PPME1: variants seen among roughly 807,000 people sequenced by gnomAD.
PPME1 encodes the protein protein phosphatase methylesterase 1, also known as testicular secretory protein Li 39.
In PPME1, 17 loss-of-function variants were observed where a neutral mutation model predicts 56.9. The observed-to-expected ratio is 0.30, with a 90% CI of 0.20 to 0.45. The LOEUF is 0.45. Among genes scored for constraint, PPME1 ranks in the 20% least tolerant of loss-of-function variants. The pLI is 1.00. For synonymous variants in PPME1, 122 were observed against 156.2 expected, an observed-to-expected ratio of 0.78 and a Z score of 1.63; for missense variants, 357 against 483.2, an observed-to-expected ratio of 0.74 and a Z score of 2.45.
intron 1 of PPME1, among the ~76,000 whole-genome samples, chr11:74,185,687 AAG>A (rs1374418284): frequency 2.0e-5 from 3 of 151,550 alleles, no homozygotes; most frequent in Non-Finnish European, 1.5e-5. Context: ...GTTGTAGAAA[AAG>A]AAGTTAATAA....
intron 1 of PPME1, among the ~76,000 whole-genome samples, chr11:74,184,102 A>G (rs1857609345): frequency 6.6e-6 from 1 of 152,144 alleles, no homozygotes; most frequent in Non-Finnish European, 1.5e-5. Flanking sequence ...TTCTTTTAAG[A>G]AATATATCTT....
chr11:74,196,424 G>A (rs1423267248), intron 1 of PPME1, among the ~76,000 whole-genome samples: 1 of 152,144 alleles, frequency 6.6e-6, no homozygotes, highest in East Asian at 1.9e-4. Flanking sequence ...AGTTAATTAT[G>A]TATATGGTGT....
At chr11:74,200,825 G>A (rs1565381261) in intron 1 of PPME1, among the ~76,000 whole-genome samples, 2 of 151,968 alleles carry the variant, frequency 1.3e-5, no homozygotes, top group African/African-American at 4.8e-5. Flanking sequence ...GGTAGTCCCT[G>A]GAACCTGTTT....
At chr11:74,196,306 G>A (rs1339729415) in intron 1 of PPME1, among the ~76,000 whole-genome samples, 1 of 152,162 alleles carries the variant, frequency 6.6e-6, no homozygotes, top group Non-Finnish European at 1.5e-5. Context: ...TTTGGGTGTT[G>A]TATCTAAGAA....
intron 2 of PPME1, among the ~76,000 whole-genome samples, chr11:74,204,107 C>T (rs1858254413): frequency 6.6e-6 from 1 of 150,558 alleles, no homozygotes; most frequent in African/African-American, 2.5e-5. Context: ...AGTTTCATTT[C>T]TAGAATCCAG....
At position 74,181,343 on chromosome 11, in the gene PPME1, C is replaced by T. The variant is rs548923194; in HGVS notation, c.101+9821C>T. Among the ~76,000 whole-genome samples the T allele has an allele frequency of 4.1e-4, 62 of 152,278 alleles. 2 individuals carry two copies. The highest frequency in any genetic ancestry group is 8.8e-5 in the Non-Finnish European group (6 of 68,024). ...GATTACAGGCGTGAGCCACCGCGCC[C>T]GGCCCACTTTTTCAACTCCTATCCA... On this transcript the variant is annotated intron_variant, in intron 1 of 13. Coordinates refer to ENST00000328257, the MANE Select transcript of PPME1 (RefSeq NM_016147.3).
chr11:74,203,781 C>T lies in PPME1; in HGVS notation c.155C>T (p.Ser52Phe). Residue 52 changes from serine to phenylalanine, a missense_variant, in exon 2 of 14, where the codon TCC becomes TTC. By Grantham distance (155) the Ser-to-Phe change is radical. Around this residue, in one of 2 missense-constraint regions of PPME1, gnomAD observed 175 missense variants for 189.4 expected, o/e 0.92. Transcript: ENST00000328257. ...SPVPWSQYFE[S>F]MEDVEVENET... is the part of the protein sequence containing the mutation. ...GTTCCTTGGAGTCAGTATTTTGAGTCCATGGAAGATGTAGAAGTAGAGAAT... is the reference window on the plus strand; with the variant it reads ...GTTCCTTGGAGTCAGTATTTTGAGTTCATGGAAGATGTAGAAGTAGAGAAT... 1 of 1,612,130 alleles carries T rather than the reference C, an allele frequency of 6.2e-7. No individual in the cohort carries two copies. Among genetic ancestry groups the T allele is most frequent in the Non-Finnish European group, 8.5e-7 (1 of 1,179,024 alleles).
intron 3 of PPME1, among the ~76,000 whole-genome samples, chr11:74,216,895 C>T (rs186717809): frequency 2.6e-5 from 4 of 152,216 alleles, no homozygotes; most frequent in South Asian, 2.1e-4. Flanking sequence ...TTTCTAGACA[C>T]GTACAACCTA....
intron 1 of PPME1, among the ~76,000 whole-genome samples, chr11:74,181,030 C>CTTTTTTT (rs1005872237): frequency 2.1e-4 from 20 of 96,152 alleles, no homozygotes; most frequent in East Asian, 2.8e-4. Flanking sequence ...ATTTTCTTCA[C>CTTTTTTT]TTTTTTTTTT....
intron 1 of PPME1, among the ~76,000 whole-genome samples, chr11:74,184,010 T>C (rs1477840469): frequency 6.6e-6 from 1 of 152,174 alleles, no homozygotes; most frequent in African/African-American, 2.4e-5. Context: ...TTAAAAAATA[T>C]GATTATTGAA....
At chr11:74,195,846 G>C (rs1020097471) in intron 1 of PPME1, among the ~76,000 whole-genome samples, 23 of 152,110 alleles carry the variant, frequency 1.5e-4, no homozygotes, top group African/African-American at 5.3e-4. Flanking sequence ...CCTCCTTAGG[G>C]AAAAGCATAT....
At chr11:74,206,451 G>A (rs1002174516) in intron 3 of PPME1, among the ~76,000 whole-genome samples, 2 of 152,130 alleles carry the variant, frequency 1.3e-5, no homozygotes, top group Non-Finnish European at 2.9e-5. Flanking sequence ...CTAGAGAAGA[G>A]CAATCAAGAT....
chr11:74,191,942 C>T (rs563914591), intron 1 of PPME1, among the ~76,000 whole-genome samples: 5 of 152,292 alleles, frequency 3.3e-5, no homozygotes, highest in South Asian at 2.1e-4. Context: ...TTGGAGCCCC[C>T]GTCAAAGACC....
chr11:74,205,622 T>G (rs1162388810), intron 3 of PPME1: 1 of 152,234 alleles, frequency 6.6e-6, no homozygotes, highest in East Asian at 1.9e-4. Flanking sequence ...TTGTCTCTTC[T>G]TTTAGATCAT....
chr11:74,207,605 G>C (rs1858359709), intron 3 of PPME1, among the ~76,000 whole-genome samples: 1 of 152,260 alleles, frequency 6.6e-6, no homozygotes, highest in African/African-American at 2.4e-5. Flanking sequence ...GATTGTAGTT[G>C]CTGCTACAGT....
intron 3 of PPME1, among the ~76,000 whole-genome samples, chr11:74,220,075 T>G (rs1858758011): frequency 6.6e-6 from 1 of 152,088 alleles, no homozygotes; most frequent in Non-Finnish European, 1.5e-5. Context: ...AACAATACCA[T>G]TTTTTACTTA....
Position 74,230,236 on chromosome 11 carries a change from T to C in PPME1, c.399-9T>C, listed in dbSNP as rs1859032328. On this transcript the variant is annotated splice_polypyrimidine_tract_variant and intron_variant, in intron 5 of 13. Transcript: ENST00000328257. This position sits in a 1 kb window ranked among gnomAD's most constrained non-coding sequence, Gnocchi z 4.9. ...AGCATTCTTAGATCTTTTTCTCTTC[T>C]CTTTGCAGAGACGTTGGCAATGTGG... 1.3e-6 allele frequency: 2 copies of C among 1,592,864 alleles called. No homozygotes were observed. The highest frequency in any genetic ancestry group is 1.9e-5 in the Admixed American group (1 of 53,416).
chr11:74,229,620 A>G (rs1859017548), intron 5 of PPME1, among the ~76,000 whole-genome samples: 1 of 152,204 alleles, frequency 6.6e-6, no homozygotes, highest in African/African-American at 2.4e-5. Context: ...AGAAATTGTA[A>G]ATAATAATTA....
chr11:74,213,977 C>G (rs1044570824), intron 3 of PPME1, among the ~76,000 whole-genome samples: 3 of 152,204 alleles, frequency 2.0e-5, no homozygotes, highest in Admixed American at 2.0e-4. Context: ...AACATGACTT[C>G]ACCACATGAA....
Sources: allele counts gnomAD v4.1 joint callset (sites outside exome capture counted in the v4.1 genomes callset), GRCh38; gene constraint gnomAD v4.1.1; regional missense constraint gnomAD v4.1.1; non-coding constraint Gnocchi (gnomAD v3.1); transcripts MANE v1.5; gene names NCBI Gene and HGNC (gene_info 2026-07-23, HGNC 2026-07-21).